The following POLR3D variants were observed in gnomAD, a reference collection of about 807,000 sequenced individuals.
POLR3D encodes the protein DNA-directed RNA polymerase III subunit RPC4.
POLR3D carries 42 observed loss-of-function variants against 44.5 expected under a neutral mutation model. The ratio of observed to expected loss-of-function variants is 0.94; its 90% CI spans 0.74 to 1.22. The LOEUF (loss-of-function observed/expected upper bound fraction) is 1.22, where lower values mean the gene tolerates loss of function less well. Ranked by LOEUF, POLR3D falls within the 50% of genes most tolerant of loss-of-function variation. The probability of loss-of-function intolerance (pLI) is 0.00; values close to 1 mark genes in which losing one functional copy is unlikely to be tolerated. For missense variants in POLR3D, 507 were observed against 505.2 expected, an observed-to-expected ratio of 1.00 and a Z score of -0.03; for synonymous variants, 217 against 198.1, an observed-to-expected ratio of 1.10 and a Z score of -0.80.
chr8:22,245,737 C>T lies in POLR3D; in HGVS notation c.165+123C>T, dbSNP rs1209775320. On this transcript the variant is annotated intron_variant, in intron 2 of 8. Coordinates refer to ENST00000306433, the MANE Select transcript of POLR3D (RefSeq NM_001722.3). Reference sequence around the variant, plus strand: ...TGTCGTTGGGCCTCTCAAGCCTACCCCTCTTTAAATTCTAGGGAGTCTGTC... The same window carrying T: ...TGTCGTTGGGCCTCTCAAGCCTACCTCTCTTTAAATTCTAGGGAGTCTGTC... 3 of 590,908 alleles carry T rather than the reference C, an allele frequency of 5.1e-6. No individual in the cohort carries two copies. In the East Asian group the frequency reaches 1.0e-4, roughly 20 times the overall value. 36.6% of individuals were successfully genotyped at this position (590,908 alleles called of 1,614,324 possible).
At position 22,245,487 on chromosome 8, in the gene POLR3D, C is replaced by G; in HGVS notation, c.38C>G (p.Pro13Arg). ...AACGCCGCCGGCGAGCCCAGCACGC[C>G]GGGAGGGCCCCGACCTCTCCTGACT... Reference protein sequence around the residue: ...EGNAAGEPSTPGGPRPLLTGA... With the variant: ...EGNAAGEPSTRGGPRPLLTGA... The change falls in exon 2 of 9, where the codon CCG becomes CGG. Residue 13 changes from proline to arginine, a missense_variant. By Grantham distance (103) the Pro-to-Arg change is moderately radical. Coordinates refer to ENST00000306433, the MANE Select transcript of POLR3D (RefSeq NM_001722.3). The G allele has an allele frequency of 8.4e-6, 11 of 1,306,442 alleles. No homozygotes were observed. The highest frequency in any genetic ancestry group is 1.1e-5 in the Non-Finnish European group (11 of 1,019,832). 80.9% of individuals were successfully genotyped at this position (1,306,442 alleles called of 1,614,324 possible). A position where few individuals can be genotyped will look rare whatever the true frequency, so the allele number is the denominator to read the frequency against.
intron 2 of POLR3D, among the ~76,000 whole-genome samples, chr8:22,246,109 A>G (rs1830038481): frequency 6.6e-6 from 1 of 150,740 alleles, no homozygotes; most frequent in African/African-American, 2.5e-5. Context: ...TGACAGAAGA[A>G]CAAAGCAGGT....
At chr8:22,248,094 T>C in intron 4 of POLR3D, 60 bp from the exon 5 acceptor site, 2 of 1,608,570 alleles carry the variant, frequency 1.2e-6, no homozygotes, top group Admixed American at 1.7e-5. Flanking sequence ...CCATTTCCGT[T>C]TTCCTTGCTG....
chr8:22,246,587 A>G (rs1358815465), intron 2 of POLR3D, among the ~76,000 whole-genome samples: 1 of 152,116 alleles, frequency 6.6e-6, no homozygotes, highest in Non-Finnish European at 1.5e-5. Flanking sequence ...CTGGGATTAC[A>G]GGGGCCCGCC....
chr8:22,249,829 T>C (rs1051955484), intron 7 of POLR3D, among the ~76,000 whole-genome samples: 5 of 152,078 alleles, frequency 3.3e-5, no homozygotes, highest in Non-Finnish European at 7.4e-5. Context: ...CTCAAAAAAA[T>C]AAGAGAACGT....
Position 22,248,155 on chromosome 8 carries a change from G to A in POLR3D, c.363G>A (p.Gly121=). Residue 121 remains glycine, a splice_region_variant and synonymous_variant, in exon 5 of 9, where the codon GGG becomes GGA. Coordinates refer to ENST00000306433, the MANE Select transcript of POLR3D (RefSeq NM_001722.3). ...QGPAEMMKKK[G]NWDKTVDVSD... ...AGTGACCTGGGTGATTTCCCACAGG[G>A]AACTGGGATAAGACAGTGGATGTGT... 1.2e-6 allele frequency: 2 copies of A among 1,614,036 alleles called. No homozygotes were observed. Among genetic ancestry groups the A allele is most frequent in the Middle Eastern group, 1.6e-4 (1 of 6,062 alleles).
rs1250875954 is a variant in POLR3D, at chr8:22,252,006, C to G, written c.*1488C>G. On this transcript the variant is annotated 3_prime_UTR_variant, in exon 9 of 9. Coordinates refer to ENST00000306433, the MANE Select transcript of POLR3D (RefSeq NM_001722.3). ...TTGGGTACATCTTCCTTCAGGCTCA[C>G]CTTCCTTCTTTTCAAAGTTCCTCAA... is the stretch of plus-strand genomic sequence containing the variant. 6.5e-6 allele frequency: 1 copy of G among 153,606 alleles called. No individual in the cohort carries two copies. The highest frequency in any genetic ancestry group is 1.5e-5 in the Non-Finnish European group (1 of 68,062). The allele number at this position is 153,606 out of a possible 1,614,324, so 9.5% of individuals were successfully genotyped here.
In POLR3D at chr8:22,250,481, C is replaced by T; in HGVS notation, c.1160C>T (p.Pro387Leu). Reference protein sequence around the residue: ...GHVKHKLVCSPDFESLLDHKH... With the variant: ...GHVKHKLVCSLDFESLLDHKH... ...GTGAAGCACAAACTTGTATGTTCCC[C>T]TGATTTTGAATCCCTCTTGGATCAC... is the stretch of plus-strand genomic sequence containing the variant. Residue 387 changes from proline to leucine, a missense_variant, in exon 9 of 9, where the codon CCT (proline) becomes CTT (leucine). By Grantham distance (98) the Pro-to-Leu change is moderately conservative. Transcript: ENST00000306433. 6.2e-7 allele frequency: 1 copy of T among 1,614,092 alleles called. No homozygotes were observed.
chr8:22,245,672 T>A (rs1255607172), intron 2 of POLR3D, 58 bp downstream of exon 2: 1 of 1,172,946 alleles, frequency 8.5e-7, no homozygotes. Context: ...AGCCCCAGGA[T>A]TCAACTAATG....
intron 2 of POLR3D, among the ~76,000 whole-genome samples, chr8:22,246,875 G>C (rs1289978812): frequency 6.6e-6 from 1 of 152,210 alleles, no homozygotes; most frequent in Admixed American, 6.6e-5. Context: ...GTTCCCCCAT[G>C]ATACTGACTG....
chr8:22,251,337 C>T lies in POLR3D; in HGVS notation c.*819C>T, dbSNP rs1830103910. ...TGTTCTATGCCTTTTTCTCCTGGCT[C>T]CTGTTAGCCAGGTGCCTCCTGTGTG... On this transcript the variant is annotated 3_prime_UTR_variant, in exon 9 of 9. Transcript: ENST00000306433. The T allele has an allele frequency of 6.5e-6, 1 of 153,694 alleles. No individual in the cohort carries two copies. Among genetic ancestry groups the T allele is most frequent in the Non-Finnish European group, 1.5e-5 (1 of 68,076 alleles). The allele number at this position is 153,694 out of a possible 1,614,324, so 9.5% of individuals were successfully genotyped here.
chr8:22,250,247 C>T lies in POLR3D; in HGVS notation c.1074+20C>T. The T allele has an allele frequency of 1.9e-6, 3 of 1,613,438 alleles. No individual in the cohort carries two copies. The highest frequency in any genetic ancestry group is 2.5e-6 in the Non-Finnish European group (3 of 1,179,566). Reference sequence around the variant, plus strand: ...CTGCAGGTAAGAGCCTCCTTAGGGGCAAGGAGGGACCCTTTCAGGAGTGAA... The same window carrying T: ...CTGCAGGTAAGAGCCTCCTTAGGGGTAAGGAGGGACCCTTTCAGGAGTGAA... On this transcript the variant is annotated intron_variant, in intron 8 of 8. Transcript: ENST00000306433.
intron 7 of POLR3D, 51 bp downstream of exon 7, chr8:22,249,360 A>G (rs1830077324): frequency 1.9e-6 from 3 of 1,592,772 alleles, no homozygotes; most frequent in Non-Finnish European, 2.6e-6. Context: ...TGGGACGGGA[A>G]GTGGTGACCT....
intron 2 of POLR3D, among the ~76,000 whole-genome samples, 191 bp downstream of exon 2, chr8:22,245,805 C>A (rs74425746): frequency 2.0e-5 from 3 of 152,190 alleles, no homozygotes; most frequent in Non-Finnish European, 4.4e-5. Flanking sequence ...GTTGAAATGA[C>A]TCCCAGAGGT....
intron 2 of POLR3D, among the ~76,000 whole-genome samples, chr8:22,246,136 G>GT (rs200197039): frequency 0.011 from 1,697 of 151,948 alleles, 42 homozygotes; most frequent in African/African-American, 0.038. Context: ...TTTGGTTTTG[G>GT]TTTTTTTTGA....
rs1257716344 is a variant in POLR3D at position 22,252,338 on chromosome 8, A to G, written c.*1820A>G. Reference sequence around the variant, plus strand: ...GCACGGCCAGCAGGTCTCCATTCTCATCCTCTCTTTCTATTCTGTTTCTTT... The same window carrying G: ...GCACGGCCAGCAGGTCTCCATTCTCGTCCTCTCTTTCTATTCTGTTTCTTT... On this transcript the variant is annotated 3_prime_UTR_variant, in exon 9 of 9. Transcript: ENST00000306433. 2.0e-5 allele frequency: 3 copies of G among 153,462 alleles called. No homozygotes were observed. Among genetic ancestry groups the G allele is most frequent in the Non-Finnish European group, 4.4e-5 (3 of 68,028 alleles). The allele number at this position is 153,462 out of a possible 1,614,324, so 9.5% of individuals were successfully genotyped here.
rs1830097271 is a variant in POLR3D, at chr8:22,250,612, A to G, written c.*94A>G. The G allele has an allele frequency of 1.4e-6, 2 of 1,472,312 alleles. No individual in the cohort carries two copies. Among genetic ancestry groups the G allele is most frequent in the Non-Finnish European group, 1.9e-6 (2 of 1,067,456 alleles). The allele number at this position is 1,472,312 out of a possible 1,614,324, so 91.2% of individuals were successfully genotyped here. ...AATCTGTGAGACCCAGAAGGGGCCC[A>G]CTGAGCCCACTCACTCCAGCCTTTG... is the stretch of plus-strand genomic sequence containing the variant. On this transcript the variant is annotated 3_prime_UTR_variant, in exon 9 of 9. Transcript: ENST00000306433.
chr8:22,245,288 C>A (rs115213701), intron 1 of POLR3D, 105 bp downstream of exon 1: 2 of 544,794 alleles, frequency 3.7e-6, no homozygotes, highest in Non-Finnish European at 6.3e-6. Flanking sequence ...AGGCTCTCAC[C>A]TGGGTGGTCC....
In POLR3D at chr8:22,248,159, T is replaced by A. The variant is rs775508135; in HGVS notation, c.367T>A (p.Trp123Arg). 6.2e-7 allele frequency: 1 copy of A among 1,614,032 alleles called. No individual in the cohort carries two copies. Reference sequence around the variant, plus strand: ...ACCTGGGTGATTTCCCACAGGGAACTGGGATAAGACAGTGGATGTGTCAGA... The same window carrying A: ...ACCTGGGTGATTTCCCACAGGGAACAGGGATAAGACAGTGGATGTGTCAGA... ...PAEMMKKKGN[W>R]DKTVDVSDMG... The change falls in exon 5 of 9, where the codon TGG becomes AGG. Residue 123 changes from tryptophan to arginine, a missense_variant. By Grantham distance (101) the Trp-to-Arg change is moderately radical. Coordinates refer to ENST00000306433, the MANE Select transcript of POLR3D (RefSeq NM_001722.3).
Sources: allele counts gnomAD v4.1 joint callset (sites outside exome capture counted in the v4.1 genomes callset), GRCh38; gene constraint gnomAD v4.1.1; transcripts MANE v1.5; gene names NCBI Gene and HGNC (gene_info 2026-07-23, HGNC 2026-07-21).